The following LRBA variants were observed in gnomAD, a reference collection of about 807,000 sequenced individuals.
LRBA encodes LPS responsive beige-like anchor protein, also known as lipopolysaccharide-responsive and beige-like anchor protein.
A neutral mutation model predicts 330.0 loss-of-function variants in LRBA; 176 were observed. The ratio of observed to expected loss-of-function variants is 0.53; its 90% CI spans 0.47 to 0.60. The LOEUF (loss-of-function observed/expected upper bound fraction) is 0.60. Among genes scored for constraint, LRBA ranks in the 20% least tolerant of loss-of-function variants. The pLI, the probability that LRBA is intolerant of heterozygous loss-of-function variation, is 0.00. For synonymous variants in LRBA, 1,230 were observed against 1,193.0 expected, an observed-to-expected ratio of 1.03 and a Z score of -0.64; for missense variants, 3,259 against 3,444.8, an observed-to-expected ratio of 0.95 and a Z score of 1.35.
At chr4:150,554,042 A>G (rs1479830272) in intron 40 of LRBA, among the ~76,000 whole-genome samples, 1 of 152,196 alleles carries the variant, frequency 6.6e-6, no homozygotes, top group Non-Finnish European at 1.5e-5. Flanking sequence ...AACCTTGCCA[A>G]AACTAGTGAG....
At chr4:150,306,525 A>AT (rs929064996) in intron 52 of LRBA, among the ~76,000 whole-genome samples, 9 of 152,016 alleles carry the variant, frequency 5.9e-5, no homozygotes, top group African/African-American at 2.2e-4. Flanking sequence ...ATCGTTTGAG[A>AT]TTTTTTTTAT....
At chr4:150,357,003 T>G (rs1461980066) in intron 47 of LRBA, among the ~76,000 whole-genome samples, 1 of 151,938 alleles carries the variant, frequency 6.6e-6, no homozygotes, top group Non-Finnish European at 1.5e-5. Context: ...AACTGTGGGA[T>G]GCTAAGAATA....
intron 37 of LRBA, among the ~76,000 whole-genome samples, chr4:150,658,873 G>T (rs1461039724): frequency 3.5e-5 from 1 of 28,246 alleles, no homozygotes; most frequent in African/African-American, 5.0e-5. Context: ...TCAGTCTGCC[G>T]AGCGCCGCCA....
intron 35 of LRBA, among the ~76,000 whole-genome samples, 180 bp from the exon 36 acceptor site, chr4:150,735,546 T>G (rs1731073739): frequency 6.6e-6 from 1 of 152,250 alleles, no homozygotes; most frequent in Non-Finnish European, 1.5e-5. Flanking sequence ...AAGGTTACCC[T>G]TCTGGCAATA....
intron 40 of LRBA, among the ~76,000 whole-genome samples, chr4:150,570,674 G>A (rs1467152213): frequency 1.3e-5 from 2 of 152,100 alleles, no homozygotes; most frequent in Non-Finnish European, 2.9e-5. Context: ...AAAAAAATCT[G>A]TTGTAAGTTG....
At chr4:150,465,559 G>T (rs1420878497) in intron 44 of LRBA, among the ~76,000 whole-genome samples, 4 of 152,062 alleles carry the variant, frequency 2.6e-5, no homozygotes, top group Non-Finnish European at 5.9e-5. Context: ...TCTTCCTAAT[G>T]GTTGTGAAGT....
intron 17 of LRBA, among the ~76,000 whole-genome samples, chr4:150,888,940 G>A (rs941730267): frequency 6.6e-6 from 1 of 152,210 alleles, no homozygotes; most frequent in African/African-American, 2.4e-5. Context: ...GATAGAGAGA[G>A]AGACAGAGAT....
chr4:150,499,350 A>G (rs780541744), intron 40 of LRBA, among the ~76,000 whole-genome samples: 1 of 152,180 alleles, frequency 6.6e-6, no homozygotes, highest in Non-Finnish European at 1.5e-5. Flanking sequence ...GCTATAAAGT[A>G]TTTCTGTCAG....
intron 42 of LRBA, among the ~76,000 whole-genome samples, chr4:150,477,620 A>G (rs1243331619): frequency 1.3e-5 from 2 of 152,194 alleles, no homozygotes; most frequent in Admixed American, 6.5e-5. Flanking sequence ...GAGAAAAACC[A>G]TATCAAATTG....
intron 37 of LRBA, among the ~76,000 whole-genome samples, chr4:150,679,873 C>A (rs1050636548): frequency 6.6e-6 from 1 of 152,082 alleles, no homozygotes; most frequent in African/African-American, 2.4e-5. Flanking sequence ...AGACTAATAC[C>A]AAGAGTGAAT....
intron 40 of LRBA, among the ~76,000 whole-genome samples, chr4:150,520,801 C>T (rs887594243): frequency 2.0e-5 from 3 of 151,960 alleles, no homozygotes; most frequent in African/African-American, 7.3e-5. Context: ...GAAGGGTAGG[C>T]GAGGGTACCT....
chr4:150,760,007 A>T (rs1297754142), intron 35 of LRBA, among the ~76,000 whole-genome samples: 1 of 152,100 alleles, frequency 6.6e-6, no homozygotes, highest in Admixed American at 6.6e-5. Flanking sequence ...CCTCATATAA[A>T]TTTTTCTTTA....
chr4:150,597,733 A>G (rs1449765520), intron 38 of LRBA, among the ~76,000 whole-genome samples: 1 of 152,026 alleles, frequency 6.6e-6, no homozygotes, highest in Non-Finnish European at 1.5e-5. Context: ...AAAAAAAGAA[A>G]AAAAAACCCT....
chr4:150,424,129 T>C (rs1749215845), intron 46 of LRBA, among the ~76,000 whole-genome samples: 1 of 152,208 alleles, frequency 6.6e-6, no homozygotes, highest in Admixed American at 6.5e-5. Context: ...ATGACAAGCA[T>C]TTCTAAGAAA....
rs754151407 is a variant in LRBA, at chr4:150,598,981, T to C, written c.6046+26A>G. The C allele has an allele frequency of 4.3e-6, 7 of 1,612,856 alleles. No individual in the cohort carries two copies. In the South Asian group the frequency reaches 7.7e-5, roughly 18 times the overall value. ...TACCAAGTCCTGTACCTGCTGCTAT[T>C]GGCAAGGAATGGTTTATACACTGAC... On this transcript the variant is annotated intron_variant, in intron 38 of 56. Transcript: ENST00000651943.
chr4:150,899,653 T>A (rs1441103831), intron 14 of LRBA, among the ~76,000 whole-genome samples: 1 of 152,202 alleles, frequency 6.6e-6, no homozygotes, highest in Non-Finnish European at 1.5e-5. Flanking sequence ...GAGAAGCAGA[T>A]AACTCCTACT....
intron 37 of LRBA, among the ~76,000 whole-genome samples, chr4:150,659,724 G>T (rs1486764940): frequency 2.4e-4 from 2 of 8,374 alleles, no homozygotes; most frequent in Admixed American, 2.8e-3. Context: ...GGAGGGAGGT[G>T]GGGGGGTCAG....
chr4:150,708,716 G>C (rs1785882230), intron 36 of LRBA, among the ~76,000 whole-genome samples: 1 of 151,652 alleles, frequency 6.6e-6, no homozygotes, highest in Non-Finnish European at 1.5e-5. Flanking sequence ...ATAAATAATA[G>C]TTCATATGAG....
chr4:150,552,959 C>T (rs1272472805), intron 40 of LRBA, among the ~76,000 whole-genome samples: 3 of 151,344 alleles, frequency 2.0e-5, no homozygotes, highest in African/African-American at 7.3e-5. Context: ...GTCTCAGCTA[C>T]TTGGGAGGCT....
Sources: allele counts gnomAD v4.1 joint callset (sites outside exome capture counted in the v4.1 genomes callset), GRCh38; gene constraint gnomAD v4.1.1; transcripts MANE v1.5; gene names NCBI Gene and HGNC (gene_info 2026-07-23, HGNC 2026-07-21).